Variants in CETP observed in about 807,000 individuals in gnomAD.
CETP encodes BPI fold containing family F.
In CETP, 56 loss-of-function variants were observed where a neutral mutation model predicts 66.5. The observed-to-expected ratio is 0.84, with a 90% CI of 0.68 to 1.05. The LOEUF (loss-of-function observed/expected upper bound fraction) is 1.05, where lower values mean the gene tolerates loss of function less well. Ranked by LOEUF, CETP falls within the 50% of genes least tolerant of loss-of-function variation. The pLI, the probability that CETP is intolerant of heterozygous loss-of-function variation, is 0.00. For synonymous variants in CETP, 251 were observed against 245.7 expected (o/e 1.02, Z -0.20); for missense variants, 612 against 609.6 (o/e 1.00, Z -0.04).
At chr16:56,973,259 C>T (rs1212982770) in intron 8 of CETP, 72 bp from the exon 9 acceptor site, 7 of 1,518,686 alleles carry the variant, frequency 4.6e-6, no homozygotes, top group Non-Finnish European at 6.4e-6. Context: ...GGGCTCCTCC[C>T]AATCTCCCTG....
In CETP at chr16:56,981,269, C is replaced by T. The variant is rs185139178; in HGVS notation, c.1214+44C>T. The T allele has an allele frequency of 1.9e-5, 28 of 1,466,750 alleles. No individual in the cohort carries two copies. The African/African-American group carries it at 3.8e-4, about 20-fold the overall frequency. The allele number at this position is 1,466,750 out of a possible 1,614,324, so 90.9% of individuals were successfully genotyped here. ...AGAGGGGGCGGTCAACTCCGCAAAC[C>T]TCTCCCTGGCCCCTTGGAGTCAGGC... On this transcript the variant is annotated intron_variant, in intron 12 of 15. Coordinates refer to ENST00000200676, the MANE Select transcript of CETP (RefSeq NM_000078.3).
In CETP at chr16:56,981,468, A is replaced by G. The variant is rs7197854; in HGVS notation, c.1215-179A>G. 0.019 allele frequency among the ~76,000 whole-genome samples: 2,869 copies of G among 152,348 alleles called. 100 individuals carry two copies. Among genetic ancestry groups the G allele is most frequent in the African/African-American group, 0.065 (2,700 of 41,574 alleles). ...GGCAGGAGGAGAGCGCTGCCCGAGC[A>G]AAGGCCTGGCCGCCAGAATAGCAAA... On this transcript the variant is annotated intron_variant, in intron 12 of 15. Coordinates refer to ENST00000200676, the MANE Select transcript of CETP (RefSeq NM_000078.3).
In CETP at chr16:56,969,234, T is replaced by C. The variant is rs11076174; in HGVS notation, c.234-152T>C. On this transcript the variant is annotated intron_variant, in intron 2 of 15. Coordinates refer to ENST00000200676, the MANE Select transcript of CETP (RefSeq NM_000078.3). ...AGTGTGGTACCCAGGGTTTGACATG[T>C]TGGGTAACATATTTGCAGGTTCTGT... The C allele has an allele frequency of 0.087, 86,860 of 996,324 alleles. 4,100 individuals carry two copies. The highest frequency in any genetic ancestry group is 0.13 in the African/African-American group (8,486 of 63,080). 61.7% of individuals were successfully genotyped at this position (996,324 alleles called of 1,614,324 possible).
intron 8 of CETP, among the ~76,000 whole-genome samples, chr16:56,972,679 T>C (rs2141999912): frequency 6.6e-6 from 1 of 152,316 alleles, no homozygotes; most frequent in East Asian, 1.9e-4. Flanking sequence ...GGCCTGAACC[T>C]GATCGCAGGA....
chr16:56,982,710 C>T (rs2056197466), intron 14 of CETP, among the ~76,000 whole-genome samples: 1 of 152,200 alleles, frequency 6.6e-6, no homozygotes, highest in Non-Finnish European at 1.5e-5. Flanking sequence ...CCATAGCACA[C>T]GTGTGCTGGG....
chr16:56,964,525 C>CCGGT, intron 2 of CETP, among the ~76,000 whole-genome samples: 1 of 152,250 alleles, frequency 6.6e-6, no homozygotes, highest in East Asian at 1.9e-4. Flanking sequence ...AGCCTGGGTC[C>CCGGT]CGGTCTGTGT....
intron 1 of CETP, chr16:56,962,485 T>G: frequency 4.5e-6 from 2 of 443,212 alleles, no homozygotes; most frequent in East Asian, 5.8e-5. Context: ...AAGTCAGGGG[T>G]TGCCATGAGC....
chr16:56,970,281 C>T (rs1284031392), intron 5 of CETP, among the ~76,000 whole-genome samples: 1 of 152,170 alleles, frequency 6.6e-6, no homozygotes, highest in African/African-American at 2.4e-5. Context: ...TGATTTTGTC[C>T]TTAAAACCAA....
At chr16:56,977,783 A>C (rs2142003693) in intron 10 of CETP, among the ~76,000 whole-genome samples, 1 of 151,984 alleles carries the variant, frequency 6.6e-6, no homozygotes, top group South Asian at 2.1e-4. Flanking sequence ...GGTAGGATCT[A>C]TGATTATCCC....
At chr16:56,970,885 TCAGCTG>T in intron 5 of CETP, 142 bp from the exon 6 acceptor site, 1 of 770,830 alleles carries the variant, frequency 1.3e-6, no homozygotes, top group East Asian at 2.7e-5. Context: ...CTCCGTGTTC[TCAGCTG>T]CAAAATGGGA....
At chr16:56,963,997 TA>T (rs2056046149) in intron 2 of CETP, among the ~76,000 whole-genome samples, 1 of 66,710 alleles carries the variant, frequency 1.5e-5, no homozygotes, top group Admixed American at 1.9e-4. Context: ...TTATTTTATT[TA>T]TTTATTTATT....
In CETP at chr16:56,982,145, C is replaced by A; in HGVS notation, c.1249-20C>A. Reference sequence around the variant, plus strand: ...CTTCTGTGCTCCAGGGAGGACTCACCATGGGCATTTGATTGGCAGAGCAGC... The same window carrying A: ...CTTCTGTGCTCCAGGGAGGACTCACAATGGGCATTTGATTGGCAGAGCAGC... On this transcript the variant is annotated intron_variant, in intron 13 of 15. Transcript: ENST00000200676. 2.5e-6 allele frequency: 4 copies of A among 1,613,328 alleles called. No homozygotes were observed. The highest frequency in any genetic ancestry group is 2.5e-6 in the Non-Finnish European group (3 of 1,179,302).
intron 13 of CETP, 77 bp from the exon 14 acceptor site, chr16:56,982,088 T>C (rs2056192318): frequency 2.2e-6 from 3 of 1,346,132 alleles, no homozygotes; most frequent in South Asian, 2.3e-5. Context: ...TGAATGCTTG[T>C]CCAGGCCGTG....
At chr16:56,964,157 G>A (rs1451282694) in intron 2 of CETP, among the ~76,000 whole-genome samples, 5 of 151,868 alleles carry the variant, frequency 3.3e-5, no homozygotes, top group African/African-American at 7.3e-5. Flanking sequence ...CTCCCTAGTA[G>A]CTGGGATTAC....
intron 8 of CETP, 134 bp from the exon 9 acceptor site, chr16:56,973,197 T>G: frequency 1.1e-6 from 1 of 907,054 alleles, no homozygotes; most frequent in South Asian, 1.4e-5. Flanking sequence ...TGGGGGAAAC[T>G]GGGTACAGCT....
At chr16:56,969,068 C>T (rs770589224) in intron 2 of CETP, among the ~76,000 whole-genome samples, 1 of 152,012 alleles carries the variant, frequency 6.6e-6, no homozygotes, top group Non-Finnish European at 1.5e-5. Context: ...CACCTCTCCC[C>T]TTCCTCTCCT....
At chr16:56,966,073 A>G (rs1488255463) in intron 2 of CETP, among the ~76,000 whole-genome samples, 1 of 145,386 alleles carries the variant, frequency 6.9e-6, no homozygotes, top group Non-Finnish European at 1.5e-5. Flanking sequence ...TTTCTGCCAT[A>G]AAAAAAATCA....
chr16:56,976,970 G>T (rs546841724), intron 10 of CETP, among the ~76,000 whole-genome samples: 2 of 151,894 alleles, frequency 1.3e-5, no homozygotes, highest in Admixed American at 6.6e-5. Context: ...GTGCAGTGGC[G>T]CAATCTCAGC....
Position 56,983,649 on chromosome 16 carries a change from C to T in CETP, c.1465C>T (p.Leu489Phe). Residue 489 changes from leucine (L) to phenylalanine (F), a missense_variant, in exon 16 of 16, where the codon CTC becomes TTC. Physicochemically the swap from Leu to Phe is conservative, Grantham distance 22. Coordinates refer to ENST00000200676, the MANE Select transcript of CETP (RefSeq NM_000078.3). ...GFPEHLLVDF[L>F]QSLS is the part of the protein sequence containing the mutation. The stretch of plus-strand genomic sequence containing the variant: ...CCCTGAGCACCTGCTGGTGGATTTC[C>T]TCCAGAGCTTGAGCTAGAAGTCTCC... 6.2e-7 allele frequency: 1 copy of T among 1,614,180 alleles called. No homozygotes were observed. The highest frequency in any genetic ancestry group is 8.5e-7 in the Non-Finnish European group (1 of 1,180,014).
Sources: gnomAD v4.1 joint callset for allele counts (sites outside exome capture counted in the v4.1 genomes callset) on GRCh38, gnomAD v4.1.1 for gene constraint, MANE v1.5 for transcripts, NCBI Gene and HGNC (gene_info 2026-07-23, HGNC 2026-07-21) for gene names.